HTT: variants seen among roughly 807,000 people sequenced by gnomAD.
HTT encodes huntingtin.
HTT carries 104 observed loss-of-function variants against 362.3 expected under a neutral mutation model. The observed-to-expected ratio is 0.29, with a 90% CI of 0.24 to 0.34. HTT has a LOEUF of 0.34. HTT is among the 10% of genes least tolerant of loss of function. The pLI is 1.00. For synonymous variants in HTT, 1,577 were observed against 1,548.7 expected (o/e 1.02, Z -0.43); for missense variants, 3,301 against 3,928.6 (o/e 0.84, Z 4.27).
chr4:3,202,392 C>T (rs527753040), intron 41 of HTT, among the ~76,000 whole-genome samples: 5 of 152,304 alleles, frequency 3.3e-5, no homozygotes, highest in Admixed American at 6.5e-5. Context: ...TTCAGAGGCT[C>T]ATTACCCTAT....
chr4:3,089,010 G>GA (rs202120558), intron 2 of HTT, among the ~76,000 whole-genome samples: 26 of 150,856 alleles, frequency 1.7e-4, no homozygotes, highest in Middle Eastern at 3.4e-3. Flanking sequence ...ATAAAAGTAG[G>GA]AAAAAAAAAG....
At chr4:3,075,180 C>G in intron 1 of HTT, 92 bp downstream of exon 1, 6 of 1,115,780 alleles carry the variant, frequency 5.4e-6, no homozygotes, top group Non-Finnish European at 5.6e-6. Flanking sequence ...GCCGGCGACA[C>G]GAACCCCCGG....
intron 22 of HTT, among the ~76,000 whole-genome samples, chr4:3,141,872 C>G (rs984314986): frequency 2.0e-5 from 3 of 152,192 alleles, no homozygotes; most frequent in South Asian, 4.1e-4. Flanking sequence ...GGCATTTTCT[C>G]TCTTGGAGAA....
In HTT at chr4:3,215,112, G is replaced by T; in HGVS notation, c.6955G>T (p.Ala2319Ser). 6.2e-7 allele frequency: 1 copy of T among 1,611,408 alleles called. No individual in the cohort carries two copies. Among genetic ancestry groups the T allele is most frequent in the East Asian group, 2.2e-5 (1 of 44,868 alleles). The stretch of plus-strand genomic sequence containing the variant: ...TCTTTGTTCTGTTGTAATTTTAGTT[G>T]CAGTGCAGCCTGGAGAGCAGCTTCT... ...YCVHFILEAV[A>S]VQPGEQLLSP... The change falls in exon 51 of 67, where the codon GCA becomes TCA. Residue 2319 changes from alanine to serine, a missense_variant and splice_region_variant. This residue lies in a region of HTT where 220 missense variants were observed against 218.5 expected (regional missense o/e 1.01). Coordinates refer to ENST00000355072, the MANE Select transcript of HTT (RefSeq NM_001388492.1).
At chr4:3,215,042 A>G in intron 50 of HTT, 68 bp from the exon 51 acceptor site, 1 of 1,299,910 alleles carries the variant, frequency 7.7e-7, no homozygotes, top group African/African-American at 1.5e-5. Flanking sequence ...CACAAATGTA[A>G]AATGTTGAAT....
chr4:3,138,192 TGCC>T (rs1716171978), intron 21 of HTT, among the ~76,000 whole-genome samples: 1 of 149,622 alleles, frequency 6.7e-6, no homozygotes, highest in African/African-American at 2.5e-5. Flanking sequence ...CCTGCCTGCC[TGCC>T]TGCCTTCCTT....
At chr4:3,079,307 A>AATGC (rs1302420329) in intron 1 of HTT, among the ~76,000 whole-genome samples, 2 of 139,702 alleles carry the variant, frequency 1.4e-5, no homozygotes, top group African/African-American at 5.5e-5. Flanking sequence ...CCCAGGCTGG[A>AATGC]ATGCAGTATC....
chr4:3,170,004 T>C (rs1001142135), intron 29 of HTT, among the ~76,000 whole-genome samples: 4 of 152,272 alleles, frequency 2.6e-5, no homozygotes, highest in Non-Finnish European at 2.9e-5. Flanking sequence ...TATCCTTCTC[T>C]GCTAGTTCTA....
rs1258126001 is a variant in HTT at position 3,160,411 on chromosome 4, C to T, written c.3864+19C>T. 1.8e-5 allele frequency: 27 copies of T among 1,471,876 alleles called. No homozygotes were observed. Among genetic ancestry groups the T allele is most frequent in the Non-Finnish European group, 2.5e-5 (27 of 1,073,908 alleles). The allele number at this position is 1,471,876 out of a possible 1,614,324, so 91.2% of individuals were successfully genotyped here. On this transcript the variant is annotated intron_variant, in intron 29 of 66. Coordinates refer to ENST00000355072, the MANE Select transcript of HTT (RefSeq NM_001388492.1). ...TGGGAAGGTTTGTGTCTTGTTTTTTCTCCTTGGGTTGTGGCTGGCACACTT... is the reference window on the plus strand; with the variant it reads ...TGGGAAGGTTTGTGTCTTGTTTTTTTTCCTTGGGTTGTGGCTGGCACACTT...
At position 3,206,770 on chromosome 4, in the gene HTT, A is replaced by G. The variant is rs181689178; in HGVS notation, c.5899-37A>G. On this transcript the variant is annotated intron_variant, in intron 43 of 66. Transcript: ENST00000355072. The surrounding 1 kb of genome is among the most constrained non-coding windows in gnomAD (Gnocchi z 4.6). ...TTTAACTTTAATTTCTGATTTGCAA[A>G]ATAGTCATCTTTTGTTCTTTTCCTT... is the stretch of plus-strand genomic sequence containing the variant. The G allele has an allele frequency of 3.8e-6, 6 of 1,591,266 alleles. No homozygotes were observed. The highest frequency in any genetic ancestry group is 2.7e-5 in the African/African-American group (2 of 73,930).
At chr4:3,091,650 C>A (rs186550146) in intron 2 of HTT, among the ~76,000 whole-genome samples, 1 of 152,288 alleles carries the variant, frequency 6.6e-6, no homozygotes, top group Admixed American at 6.5e-5. Context: ...AGAACTGTGA[C>A]GAGTAAGTGC....
chr4:3,100,216 G>A (rs1376905052), intron 3 of HTT, among the ~76,000 whole-genome samples: 1 of 152,170 alleles, frequency 6.6e-6, no homozygotes, highest in South Asian at 2.1e-4. Flanking sequence ...GTATGAGTGT[G>A]TGTCTGTGTA....
chr4:3,157,275 T>C (rs1453799101), intron 28 of HTT, 76 bp downstream of exon 28: 6 of 1,386,060 alleles, frequency 4.3e-6, no homozygotes, highest in South Asian at 1.3e-5. Flanking sequence ...GTTTTTCTTA[T>C]GATTTGTAGG....
At chr4:3,076,783 A>G (rs1466179683) in intron 1 of HTT, among the ~76,000 whole-genome samples, 1 of 152,196 alleles carries the variant, frequency 6.6e-6, no homozygotes, top group East Asian at 1.9e-4. Flanking sequence ...GCATTTGCTT[A>G]TCTTCAAAAT....
Position 3,212,070 on chromosome 4 carries a change from G to T in HTT, c.6556G>T (p.Val2186Phe), listed in dbSNP as rs751572306. Residue 2186 changes from valine (V) to phenylalanine (F), a missense_variant, in exon 48 of 67, where the codon GTC becomes TTC. Val to Phe is a conservative substitution (Grantham distance 50, BLOSUM62 -1). This residue lies in a region of HTT where 220 missense variants were observed against 218.5 expected (regional missense o/e 1.01). Transcript: ENST00000355072. ...CGGCACCGTGCAGCAGCTCCCTGCTGTCCATCATGTCTTCCAGCCCGAGCT... is the reference window on the plus strand; with the variant it reads ...CGGCACCGTGCAGCAGCTCCCTGCTTTCCATCATGTCTTCCAGCCCGAGCT... ...VSGTVQQLPA[V>F]HHVFQPELPA... is the part of the protein sequence containing the mutation. 6 of 1,614,202 alleles carry T rather than the reference G, an allele frequency of 3.7e-6. No individual in the cohort carries two copies. In the South Asian group the frequency reaches 6.6e-5, roughly 18 times the overall value.
chr4:3,169,474 T>C (rs1470555862), intron 29 of HTT, among the ~76,000 whole-genome samples: 1 of 152,216 alleles, frequency 6.6e-6, no homozygotes, highest in African/African-American at 2.4e-5. Context: ...TTTTCTGTTT[T>C]GTATAGTTTC....
chr4:3,195,042 A>G (rs1408916102), intron 40 of HTT, among the ~76,000 whole-genome samples: 33 of 152,156 alleles, frequency 2.2e-4, no homozygotes, highest in Admixed American at 2.2e-3. Flanking sequence ...AAACCCAAGC[A>G]TTCTTTCTTG....
chr4:3,216,014 GC>G (rs1044490022), intron 51 of HTT, among the ~76,000 whole-genome samples: 3 of 152,162 alleles, frequency 2.0e-5, no homozygotes, highest in Non-Finnish European at 4.4e-5. Flanking sequence ...TACACAGCAC[GC>G]TTACCTGGAG....
chr4:3,150,891 T>C (rs1387092003), intron 26 of HTT, among the ~76,000 whole-genome samples: 9 of 152,110 alleles, frequency 5.9e-5, no homozygotes, highest in Middle Eastern at 6.8e-3. Flanking sequence ...AAAAAAAAAT[T>C]AGCCGGGTGT....
Sources: gnomAD v4.1 joint callset for allele counts (sites outside exome capture counted in the v4.1 genomes callset) on GRCh38, gnomAD v4.1.1 for gene constraint, gnomAD v4.1.1 regional missense constraint, Gnocchi (gnomAD v3.1) non-coding constraint, MANE v1.5 for transcripts, NCBI Gene and HGNC (gene_info 2026-07-23, HGNC 2026-07-21) for gene names.